PDE4DIP: variants seen among roughly 807,000 people sequenced by gnomAD.
The protein encoded by PDE4DIP is myomegalin.
In PDE4DIP, 59 loss-of-function variants were observed where a neutral mutation model predicts 221.4. The ratio of observed to expected loss-of-function variants is 0.27; its 90% CI spans 0.22 to 0.33. The LOEUF (loss-of-function observed/expected upper bound fraction) is 0.33. Among genes scored for constraint, PDE4DIP ranks in the 10% least tolerant of loss-of-function variants. The probability of loss-of-function intolerance (pLI) is 1.00; values close to 1 mark genes in which losing one functional copy is unlikely to be tolerated. For missense variants in PDE4DIP, 1,036 were observed against 2,154.2 expected (o/e 0.48, Z 10.28); for synonymous variants, 404 against 815.9 (o/e 0.50, Z 8.60).
exon 44 of PDE4DIP, chr1:149,032,082 TCTG>T: frequency 6.2e-7 from 1 of 1,606,032 alleles, no homozygotes; most frequent in Non-Finnish European, 8.5e-7. Flanking sequence ...CAGCTACCTA[TCTG>T]CTGAGGAGCA....
intron 2 of PDE4DIP, chr1:148,930,237 G>C (rs1218473465): frequency 6.6e-6 from 1 of 152,146 alleles, no homozygotes; most frequent in East Asian, 1.9e-4. Context: ...CATTTCACCA[G>C]GCATGGTGGC....
At chr1:148,989,793 G>A (rs1348264469) in intron 21 of PDE4DIP, among the ~76,000 whole-genome samples, 1 of 152,196 alleles carries the variant, frequency 6.6e-6, no homozygotes, top group East Asian at 1.9e-4. Flanking sequence ...GTTGTACAGG[G>A]AAAGATTTTC....
chr1:148,953,158 T>A, intron 5 of PDE4DIP: 2 of 1,614,126 alleles, frequency 1.2e-6, no homozygotes. Context: ...CGAGATACTC[T>A]GCACTGCTCC....
chr1:148,944,795 C>G, intron 5 of PDE4DIP, among the ~76,000 whole-genome samples: 1 of 152,160 alleles, frequency 6.6e-6, no homozygotes, highest in Middle Eastern at 3.4e-3. Flanking sequence ...TGCTTGAACC[C>G]GGGAGGTGGA....
exon 44 of PDE4DIP, chr1:149,032,533 G>A (rs1337122113): frequency 3.2e-6 from 1 of 309,160 alleles, no homozygotes; most frequent in East Asian, 4.8e-5. Flanking sequence ...GTCGAGTCAG[G>A]CTGGGCCTTG....
chr1:148,981,147 G>T, intron 20 of PDE4DIP, 123 bp from the exon 24 acceptor site: 2 of 833,814 alleles, frequency 2.4e-6, no homozygotes, highest in South Asian at 3.1e-5. Flanking sequence ...TTGTGTCCTG[G>T]AGAACAATTA....
At chr1:149,003,881 GT>G (rs1243259692) in intron 26 of PDE4DIP, 151 bp downstream of exon 29, 9 of 480,142 alleles carry the variant, frequency 1.9e-5, no homozygotes, top group Non-Finnish European at 3.0e-5. Flanking sequence ...CTGAGTATAA[GT>G]TTGAATTTCT....
intron 43 of PDE4DIP, 148 bp from the exon 47 acceptor site, chr1:149,031,796 G>T: frequency 1.4e-6 from 1 of 731,446 alleles, no homozygotes; most frequent in East Asian, 2.7e-5. Flanking sequence ...CCTCCAGACT[G>T]CAGCGCATGC....
At chr1:148,823,776 T>C (rs1201209765) in intron 1 of PDE4DIP, among the ~76,000 whole-genome samples, 2 of 150,398 alleles carry the variant, frequency 1.3e-5, no homozygotes, top group African/African-American at 5.0e-5. Context: ...TTTGCACATA[T>C]CTTCAAAAAG....
intron 2 of PDE4DIP, chr1:148,930,598 AT>A (rs2047736657): frequency 6.6e-6 from 1 of 151,084 alleles, no homozygotes; most frequent in South Asian, 2.1e-4. Context: ...CCCATTTACA[AT>A]ATCTGCTAAA....
intron 21 of PDE4DIP, among the ~76,000 whole-genome samples, chr1:148,988,071 G>C (rs781964368): frequency 8.5e-5 from 13 of 152,178 alleles, no homozygotes; most frequent in Non-Finnish European, 1.8e-4. Flanking sequence ...TCAATGTCCT[G>C]TGAGGCAGAG....
intron 37 of PDE4DIP, among the ~76,000 whole-genome samples, chr1:149,023,679 T>G (rs1180887170): frequency 3.0e-4 from 32 of 107,212 alleles, no homozygotes; most frequent in Middle Eastern, 6.0e-3. Context: ...CATATATATG[T>G]ACATGTATAT....
exon 44 of PDE4DIP, chr1:149,032,366 A>G (rs1222527907): frequency 5.7e-6 from 3 of 524,524 alleles, no homozygotes; most frequent in African/African-American, 1.9e-5. Flanking sequence ...CTCAGTGAAT[A>G]TAGGACCCTG....
At position 149,012,579 on chromosome 1, in the gene PDE4DIP, T is replaced by C; in HGVS notation, c.5081-12T>C. 1.9e-6 allele frequency: 3 copies of C among 1,578,394 alleles called. No homozygotes were observed. Among genetic ancestry groups the C allele is most frequent in the Non-Finnish European group, 2.6e-6 (3 of 1,165,264 alleles). On this transcript the variant is annotated splice_polypyrimidine_tract_variant and intron_variant, in intron 31 of 43. Coordinates refer to ENST00000369354, the Ensembl canonical transcript of PDE4DIP. Reference sequence around the variant, plus strand: ...TGATGTGTCTCTTTTCTCCTTAACTTTCTTTTCCTAGGCTTTCATTTTCAC... The same window carrying C: ...TGATGTGTCTCTTTTCTCCTTAACTCTCTTTTCCTAGGCTTTCATTTTCAC...
chr1:148,977,944 T>G, exon 18 of PDE4DIP: 1 of 1,611,946 alleles, frequency 6.2e-7, no homozygotes, highest in Non-Finnish European at 8.5e-7. Flanking sequence ...CAGATGGAAC[T>G]TTCTGCTCTA....
chr1:148,970,421 T>G (rs1259812299), intron 14 of PDE4DIP, among the ~76,000 whole-genome samples: 1 of 152,168 alleles, frequency 6.6e-6, no homozygotes, highest in Non-Finnish European at 1.5e-5. Flanking sequence ...AGAAAAAAAA[T>G]TATGCACTGC....
At chr1:148,922,711 C>T (rs1267634735) in intron 1 of PDE4DIP, among the ~76,000 whole-genome samples, 1 of 149,308 alleles carries the variant, frequency 6.7e-6, no homozygotes, top group Admixed American at 6.6e-5. Context: ...CCTCAGCCTC[C>T]GGAGTAGCTG....
intron 31 of PDE4DIP, among the ~76,000 whole-genome samples, 194 bp downstream of exon 34, chr1:149,010,789 A>G (rs1553604779): frequency 6.6e-6 from 1 of 151,176 alleles, no homozygotes; most frequent in South Asian, 2.1e-4. Flanking sequence ...AATCCACATC[A>G]GGTTTTGATC....
chr1:148,978,464 A>AT, intron 19 of PDE4DIP, 49 bp downstream of exon 22: 9 of 1,206,726 alleles, frequency 7.5e-6, no homozygotes, highest in South Asian at 1.6e-5. Context: ...ATTTTTTTGT[A>AT]TTCTTTTTTT....
Sources: gnomAD v4.1 joint callset for allele counts (sites outside exome capture counted in the v4.1 genomes callset) on GRCh38, gnomAD v4.1.1 for gene constraint, MANE v1.5 for transcripts, NCBI Gene and HGNC (gene_info 2026-07-23, HGNC 2026-07-21) for gene names.